Variants in SPAG5 observed in about 807,000 individuals in gnomAD.
The protein encoded by SPAG5 is sperm associated antigen 5.
A neutral mutation model predicts 145.4 loss-of-function variants in SPAG5; 99 were observed. The observed-to-expected ratio is 0.68, with a 90% CI of 0.58 to 0.80. SPAG5 has a LOEUF of 0.80. Among genes scored for constraint, SPAG5 ranks in the 30% least tolerant of loss-of-function variants. The pLI, the probability that SPAG5 is intolerant of heterozygous loss-of-function variation, is 0.00. For missense variants in SPAG5, 1,192 were observed against 1,416.0 expected (o/e 0.84, Z 2.54); for synonymous variants, 477 against 525.4 (o/e 0.91, Z 1.26).
intron 1 of SPAG5, 77 bp from the exon 2 acceptor site, chr17:28,598,712 G>T (rs2070687213): frequency 6.4e-7 from 1 of 1,550,840 alleles, no homozygotes; most frequent in African/African-American, 1.4e-5. Context: ...CCCTCCCTAA[G>T]AAGCCCAAAA....
chr17:28,582,969 T>A (rs2070558344), intron 15 of SPAG5: 1 of 152,132 alleles, frequency 6.6e-6, no homozygotes, highest in Admixed American at 6.5e-5. Flanking sequence ...GAAGATTTCT[T>A]TTTTTGTGGG....
In SPAG5 at chr17:28,592,882, G is replaced by A; in HGVS notation, c.362C>T (p.Pro121Leu). ...GGTTTTAACCATATAATTGCCCAGT[G>A]GGTCTACTGCTTCCTCAGACGTTTT... ...TPKTSEEAVD[P>L]LGNYMVKTIV... Residue 121 changes from proline (P) to leucine (L), a missense_variant, in exon 3 of 24, where the codon CCA becomes CTA. Transcript: ENST00000321765. 7 of 1,614,194 alleles carry A rather than the reference G, an allele frequency of 4.3e-6. No homozygotes were observed. Among genetic ancestry groups the A allele is most frequent in the Non-Finnish European group, 5.9e-6 (7 of 1,180,018 alleles).
At chr17:28,595,577 G>A (rs1000531152) in intron 2 of SPAG5, among the ~76,000 whole-genome samples, 10 of 151,074 alleles carry the variant, frequency 6.6e-5, no homozygotes, top group Admixed American at 2.0e-4. Flanking sequence ...GTGAAACCCC[G>A]CCTCTACTAA....
intron 4 of SPAG5, among the ~76,000 whole-genome samples, chr17:28,590,236 A>C (rs1567625886): frequency 6.6e-6 from 1 of 151,798 alleles, no homozygotes; most frequent in Middle Eastern, 3.2e-3. Flanking sequence ...ACAATTCGTG[A>C]CTCTGTTTTT....
Position 28,578,027 on chromosome 17 carries a change from C to T in SPAG5, c.3493G>A (p.Val1165Ile). The T allele has an allele frequency of 6.2e-7, 1 of 1,613,904 alleles. No homozygotes were observed. The highest frequency in any genetic ancestry group is 8.5e-7 in the Non-Finnish European group (1 of 1,179,780). Residue 1165 changes from valine (V) to isoleucine (I), a missense_variant, in exon 23 of 24, where the codon GTT (valine) becomes ATT (isoleucine). Coordinates refer to ENST00000321765, the MANE Select transcript of SPAG5 (RefSeq NM_006461.4). ...DKELEKLDDI[V>I]QHIYKTLLSI... The stretch of plus-strand genomic sequence containing the variant: ...GCCTATACCTTATAAATATGCTGAA[C>T]AATGTCATCTAGTTTTTCTAACTCC...
At chr17:28,588,811 A>G (rs924886607) in intron 4 of SPAG5, among the ~76,000 whole-genome samples, 1 of 152,088 alleles carries the variant, frequency 6.6e-6, no homozygotes, top group African/African-American at 2.4e-5. Context: ...CCACCCAAGT[A>G]GCTGGGATTA....
intron 8 of SPAG5, 41 bp from the exon 9 acceptor site, chr17:28,585,452 T>C (rs745974390): frequency 6.4e-5 from 104 of 1,613,924 alleles, no homozygotes; most frequent in Non-Finnish European, 8.7e-5. Context: ...CCCTTCCCTT[T>C]GGATACAGCA....
chr17:28,592,424 C>G lies in SPAG5; in HGVS notation c.820G>C (p.Ala274Pro). 1 of 1,613,864 alleles carries G rather than the reference C, an allele frequency of 6.2e-7. No individual in the cohort carries two copies. Among genetic ancestry groups the G allele is most frequent in the Non-Finnish European group, 8.5e-7 (1 of 1,180,036 alleles). ...AACCTCATTTCTCTTTCCTCCATAG[C>G]TCCATGCTCTACAATTTCCTCCTCT... ...DPEEEIVEHG[A>P]MEEREMRFPT... The change falls in exon 3 of 24, where the codon GCT becomes CCT. Residue 274 changes from alanine to proline, a missense_variant. This residue lies in a region of SPAG5 where 329 missense variants were observed against 354.0 expected (regional missense o/e 0.93). Transcript: ENST00000321765.
Position 28,585,033 on chromosome 17 carries a change from T to C in SPAG5, c.2067+69A>G, listed in dbSNP as rs542697209. ...GGGTGAAAAGAAAACAGATCCAGGG[T>C]AAGAGGCTAATGGTATCACACATTA... is the stretch of plus-strand genomic sequence containing the variant. On this transcript the variant is annotated intron_variant, in intron 10 of 23. Transcript: ENST00000321765. 8 of 1,380,184 alleles carry C rather than the reference T, an allele frequency of 5.8e-6. 1 individual carries two copies. The highest frequency in any genetic ancestry group is 2.3e-5 in the East Asian group (1 of 43,728). 85.5% of individuals were successfully genotyped at this position (1,380,184 alleles called of 1,614,324 possible).
chr17:28,584,161 C>T lies in SPAG5; in HGVS notation c.2401G>A (p.Glu801Lys). 1 of 1,614,092 alleles carries T rather than the reference C, an allele frequency of 6.2e-7. No individual in the cohort carries two copies. Among genetic ancestry groups the T allele is most frequent in the Non-Finnish European group, 8.5e-7 (1 of 1,180,042 alleles). Residue 801 changes from glutamate to lysine, a missense_variant, in exon 13 of 24, where the codon GAG becomes AAG. By Grantham distance (56) the Glu-to-Lys change is moderately conservative. Around this residue, in one of 5 missense-constraint regions of SPAG5, gnomAD observed 709 missense variants for 840.7 expected, o/e 0.84. Coordinates refer to ENST00000321765, the MANE Select transcript of SPAG5 (RefSeq NM_006461.4). ...VLAKEVRDLK[E>K]TLEFADQENQ... ...GCCATATTCCTTACCTCCAAGGTCT[C>T]TTTCAGGTCCCGCACCTCTTTGGCC...
At chr17:28,597,956 A>G (rs952289981) in intron 2 of SPAG5, among the ~76,000 whole-genome samples, 13 of 152,242 alleles carry the variant, frequency 8.5e-5, no homozygotes, top group Non-Finnish European at 1.5e-4. Context: ...GGAATCTTAT[A>G]CAGGAGTCAA....
chr17:28,585,128 C>T lies in SPAG5; in HGVS notation c.2041G>A (p.Asp681Asn). The change falls in exon 10 of 24, where the codon GAT becomes AAT. Residue 681 changes from aspartate (D) to asparagine (N), a missense_variant. Physicochemically the swap from Asp to Asn is conservative, Grantham distance 23. Coordinates refer to ENST00000321765, the MANE Select transcript of SPAG5 (RefSeq NM_006461.4). ...TCCTGCTTTTCCTCAATTGCCACAT[C>T]ACGTTCCTGCAGGGCTTGCTGGCTC... ...VKSQQALQER[D>N]VAIEEKQEVS... The T allele has an allele frequency of 6.2e-7, 1 of 1,614,234 alleles. No homozygotes were observed. Among genetic ancestry groups the T allele is most frequent in the Non-Finnish European group, 8.5e-7 (1 of 1,180,046 alleles).
chr17:28,595,404 A>T (rs2070656751), intron 2 of SPAG5, among the ~76,000 whole-genome samples: 1 of 152,190 alleles, frequency 6.6e-6, no homozygotes, highest in Non-Finnish European at 1.5e-5. Context: ...TTCCTTATAC[A>T]TTTATATATT....
intron 1 of SPAG5, 79 bp downstream of exon 1, chr17:28,598,817 T>C (rs2070688401): frequency 1.3e-6 from 2 of 1,573,454 alleles, no homozygotes; most frequent in African/African-American, 1.4e-5. Context: ...CGACCCAACT[T>C]TCCAGGACAG....
At position 28,598,544 on chromosome 17, in the gene SPAG5, G is replaced by A. The variant is rs539760516; in HGVS notation, c.143C>T (p.Ser48Leu). 3 of 1,613,962 alleles carry A rather than the reference G, an allele frequency of 1.9e-6. No homozygotes were observed. Among genetic ancestry groups the A allele is most frequent in the Admixed American group, 1.7e-5 (1 of 59,990 alleles). The change falls in exon 2 of 24, where the codon TCG becomes TTG. Residue 48 changes from serine (S) to leucine (L), a missense_variant. Physicochemically the swap from Ser to Leu is moderately radical, Grantham distance 145. Coordinates refer to ENST00000321765, the MANE Select transcript of SPAG5 (RefSeq NM_006461.4). ...NSGKRSPACS[S>L]LTPSLCKLGL... Reference sequence around the variant, plus strand: ...CAGCTTGCACAGTGATGGGGTCAGCGAGGAGCAAGCGGGGGATCTTTTTCC... The same window carrying A: ...CAGCTTGCACAGTGATGGGGTCAGCAAGGAGCAAGCGGGGGATCTTTTTCC...
Position 28,578,427 on chromosome 17 carries a change from G to A in SPAG5, c.3300C>T (p.Asn1100=). Reference sequence around the variant, plus strand: ...TCCAATTGGTGGCCATAGGCTGGCAGTTGGAGTCCAGCTGGCCTGCCAGGG... The same window carrying A: ...TCCAATTGGTGGCCATAGGCTGGCAATTGGAGTCCAGCTGGCCTGCCAGGG... ...QEALAGQLDS[N]CQPMATNWIQ... is the part of the protein sequence containing the mutation. The change falls in exon 21 of 24, where the codon AAC becomes AAT. Residue 1100 remains asparagine, a synonymous_variant. Coordinates refer to ENST00000321765, the MANE Select transcript of SPAG5 (RefSeq NM_006461.4). The A allele has an allele frequency of 6.2e-7, 1 of 1,614,166 alleles. No homozygotes were observed. The highest frequency in any genetic ancestry group is 8.5e-7 in the Non-Finnish European group (1 of 1,180,032).
intron 4 of SPAG5, among the ~76,000 whole-genome samples, chr17:28,590,616 A>G (rs1049353936): frequency 3.3e-5 from 5 of 151,962 alleles, no homozygotes; most frequent in African/African-American, 4.8e-5. Context: ...CACGCCTGTA[A>G]TCCCAGCACT....
chr17:28,577,964 C>T (rs750263381), intron 23 of SPAG5, 46 bp downstream of exon 23: 6 of 1,518,734 alleles, frequency 4.0e-6, no homozygotes, highest in East Asian at 2.3e-5. Context: ...TGGGGCCAGG[C>T]CTTGTACCAG....
rs183628774 is a variant in SPAG5, at chr17:28,588,933, C to T, written c.1438-2434G>A. Among the ~76,000 whole-genome samples, 113 of 152,224 alleles carry T rather than the reference C, an allele frequency of 7.4e-4. 1 individual carries two copies. Among genetic ancestry groups the T allele is most frequent in the African/African-American group, 2.6e-3 (107 of 41,524 alleles). On this transcript the variant is annotated intron_variant, in intron 4 of 23. Transcript: ENST00000321765. Reference sequence around the variant, plus strand: ...CTGGCCTCAAGTGATCTGCCGGCCTCAGCCTCCCAAAGTGCTGGGATTATA... The same window carrying T: ...CTGGCCTCAAGTGATCTGCCGGCCTTAGCCTCCCAAAGTGCTGGGATTATA...
Sources: gnomAD v4.1 joint callset for allele counts (sites outside exome capture counted in the v4.1 genomes callset) on GRCh38, gnomAD v4.1.1 for gene constraint, gnomAD v4.1.1 regional missense constraint, MANE v1.5 for transcripts, NCBI Gene and HGNC (gene_info 2026-07-23, HGNC 2026-07-21) for gene names.